The following CDK19 variants were observed in gnomAD, a reference collection of about 807,000 sequenced individuals.
The protein encoded by CDK19 is cyclin dependent kinase 19.
In CDK19, 20 loss-of-function variants were observed where a neutral mutation model predicts 68.3. That is an observed-to-expected ratio of 0.29 (90% CI 0.21 to 0.43). The LOEUF (loss-of-function observed/expected upper bound fraction) is 0.43. CDK19 is among the 20% of genes least tolerant of loss of function. The probability of loss-of-function intolerance (pLI) is 1.00; values close to 1 mark genes in which losing one functional copy is unlikely to be tolerated. For missense variants in CDK19, 339 were observed against 623.5 expected, an observed-to-expected ratio of 0.54 and a Z score of 4.86; for synonymous variants, 221 against 222.8, an observed-to-expected ratio of 0.99 and a Z score of 0.07.
At chr6:110,742,074 A>T (rs528240130) in intron 2 of CDK19, among the ~76,000 whole-genome samples, 2 of 151,974 alleles carry the variant, frequency 1.3e-5, no homozygotes, top group East Asian at 3.9e-4. Flanking sequence ...CTTCAATATG[A>T]TGTAAAGGAC....
intron 8 of CDK19, among the ~76,000 whole-genome samples, chr6:110,625,408 A>C (rs1401871621): frequency 6.6e-6 from 1 of 151,900 alleles, no homozygotes; most frequent in Non-Finnish European, 1.5e-5. Context: ...AGATCTTCCC[A>C]CCTCAGCCTC....
At chr6:110,812,571 G>A (rs1351647905) in intron 1 of CDK19, among the ~76,000 whole-genome samples, 1 of 152,034 alleles carries the variant, frequency 6.6e-6, no homozygotes, top group Non-Finnish European at 1.5e-5. Context: ...CTTTTCTAAT[G>A]ATATTTTATT....
At chr6:110,705,844 G>C (rs974950964) in intron 2 of CDK19, among the ~76,000 whole-genome samples, 4 of 151,998 alleles carry the variant, frequency 2.6e-5, no homozygotes, top group African/African-American at 7.3e-5. Context: ...TCACACACTG[G>C]GGCTTGTCAG....
intron 12 of CDK19, among the ~76,000 whole-genome samples, chr6:110,617,797 T>G (rs1263632623): frequency 8.1e-6 from 1 of 124,128 alleles, no homozygotes; most frequent in Non-Finnish European, 1.6e-5. Context: ...GTGGAGGTTG[T>G]AGTGAGCCAA....
chr6:110,635,331 A>G (rs1308121257), intron 5 of CDK19, among the ~76,000 whole-genome samples: 2 of 152,210 alleles, frequency 1.3e-5, no homozygotes, highest in Non-Finnish European at 2.9e-5. Flanking sequence ...GGAACAATGT[A>G]TAATAAACAT....
In CDK19 at chr6:110,621,202, G is replaced by A; in HGVS notation, c.1279C>T (p.Gln427Ter). The change falls in exon 12 of 13, where the codon CAG becomes TAG. Residue 427 changes from glutamine (Q) to a stop codon, truncating the protein, a stop_gained. Transcript: ENST00000368911. LOFTEE classifies it high-confidence loss of function. The surrounding 1 kb of genome is among the most constrained non-coding windows in gnomAD (Gnocchi z 5.4). ...GGTGAGLQHS[Q>*]DSSLNQVPPN... Reference sequence around the variant, plus strand: ...GGCACCTGGTTCAGGCTGGAGTCCTGGCTGTGCTGCAACCCTGCTCCGGTG... The same window carrying A: ...GGCACCTGGTTCAGGCTGGAGTCCTAGCTGTGCTGCAACCCTGCTCCGGTG... 1.2e-6 allele frequency: 2 copies of A among 1,614,010 alleles called. No individual in the cohort carries two copies. Among genetic ancestry groups the A allele is most frequent in the Non-Finnish European group, 1.7e-6 (2 of 1,180,030 alleles).
At chr6:110,623,210 A>G in intron 9 of CDK19, 80 bp downstream of exon 9, 2 of 1,173,202 alleles carry the variant, frequency 1.7e-6, no homozygotes, top group Non-Finnish European at 2.5e-6. Context: ...TTTTGTTTCT[A>G]AAGAGGAGGA....
chr6:110,637,336 G>C (rs183647430), intron 5 of CDK19, among the ~76,000 whole-genome samples: 24 of 152,272 alleles, frequency 1.6e-4, no homozygotes, highest in East Asian at 1.5e-3. Context: ...TGGTGGAAGT[G>C]GGGGAGGGAA....
At chr6:110,690,040 C>A (rs995360758) in intron 2 of CDK19, among the ~76,000 whole-genome samples, 6 of 152,180 alleles carry the variant, frequency 3.9e-5, no homozygotes, top group African/African-American at 1.4e-4. Flanking sequence ...TGGGGAAAGT[C>A]TGCAGCTCTA....
intron 5 of CDK19, among the ~76,000 whole-genome samples, chr6:110,634,956 A>G (rs1280570381): frequency 1.3e-5 from 2 of 152,232 alleles, no homozygotes; most frequent in East Asian, 1.9e-4. Context: ...AACAATTCCC[A>G]TCTATTTTAT....
intron 1 of CDK19, among the ~76,000 whole-genome samples, chr6:110,795,810 G>A (rs528258161): frequency 1.1e-3 from 168 of 152,066 alleles, no homozygotes; most frequent in African/African-American, 3.9e-3. Context: ...ATTCATATAA[G>A]AGTATAAACA....
chr6:110,725,513 T>A (rs1279074432), intron 2 of CDK19, among the ~76,000 whole-genome samples: 1 of 152,078 alleles, frequency 6.6e-6, no homozygotes, highest in Non-Finnish European at 1.5e-5. Context: ...TAAAATATCT[T>A]AGCATTGATT....
intron 2 of CDK19, among the ~76,000 whole-genome samples, chr6:110,691,614 T>C (rs1408005756): frequency 2.0e-5 from 3 of 151,720 alleles, no homozygotes; most frequent in Non-Finnish European, 4.4e-5. Flanking sequence ...GAAAACCTCA[T>C]CTCTATTTTA....
chr6:110,625,140 C>A (rs550854625), intron 8 of CDK19, among the ~76,000 whole-genome samples: 1 of 152,070 alleles, frequency 6.6e-6, no homozygotes, highest in Non-Finnish European at 1.5e-5. Context: ...AATCTCGCTA[C>A]ACAAATGTAG....
At chr6:110,629,458 G>A (rs1472356548) in intron 6 of CDK19, among the ~76,000 whole-genome samples, 1 of 152,062 alleles carries the variant, frequency 6.6e-6, no homozygotes, top group Non-Finnish European at 1.5e-5. Flanking sequence ...GGGTTCAAGG[G>A]GTTCTCTCAC....
Position 110,766,565 on chromosome 6 carries a change from G to A in CDK19, c.129-20364C>T, listed in dbSNP as rs1018420206. ...TGGACTCCACCCTGGGCAACAGAGC[G>A]AGACTCTGTCTCAAAAAAAAGAAAG... On this transcript the variant is annotated intron_variant, in intron 1 of 12. Coordinates refer to ENST00000368911, the MANE Select transcript of CDK19 (RefSeq NM_015076.5). 4.9e-4 allele frequency among the ~76,000 whole-genome samples: 74 copies of A among 151,914 alleles called. 1 individual carries two copies. Among genetic ancestry groups the A allele is most frequent in the Admixed American group, 3.5e-3 (53 of 15,248 alleles).
chr6:110,694,008 A>G (rs1773259161), intron 2 of CDK19, among the ~76,000 whole-genome samples: 1 of 152,126 alleles, frequency 6.6e-6, no homozygotes, highest in Non-Finnish European at 1.5e-5. Context: ...AAAAACCTCA[A>G]AATACACCAA....
intron 12 of CDK19, 99 bp from the exon 13 acceptor site, chr6:110,614,765 G>A (rs775736461): frequency 4.0e-6 from 5 of 1,235,324 alleles, no homozygotes; most frequent in South Asian, 1.4e-5. Flanking sequence ...GTTTTCATTA[G>A]GTTCCTGGTT....
chr6:110,776,999 A>C (rs543880162), intron 1 of CDK19, among the ~76,000 whole-genome samples: 1 of 152,238 alleles, frequency 6.6e-6, no homozygotes, highest in Non-Finnish European at 1.5e-5. Context: ...AGAAGTGGCA[A>C]GTTAAACCCA....
Sources: gnomAD v4.1 joint callset for allele counts (sites outside exome capture counted in the v4.1 genomes callset) on GRCh38, gnomAD v4.1.1 for gene constraint, Gnocchi (gnomAD v3.1) non-coding constraint, MANE v1.5 for transcripts, NCBI Gene and HGNC (gene_info 2026-07-23, HGNC 2026-07-21) for gene names.